PAPPA: variants seen among roughly 807,000 people sequenced by gnomAD.
PAPPA encodes pappalysin-1.
PAPPA carries 60 observed loss-of-function variants against 164.0 expected under a neutral mutation model. That is an observed-to-expected ratio of 0.37 (90% CI 0.30 to 0.45). The LOEUF (loss-of-function observed/expected upper bound fraction) is 0.45, where lower values mean the gene tolerates loss of function less well. Ranked by LOEUF, PAPPA falls within the 20% of genes least tolerant of loss-of-function variation. PAPPA has a pLI of 1.00. For missense variants in PAPPA, 1,782 were observed against 2,087.3 expected, an observed-to-expected ratio of 0.85 and a Z score of 2.85; for synonymous variants, 875 against 814.1, an observed-to-expected ratio of 1.07 and a Z score of -1.27.
At chr9:116,300,969 A>G (rs73514251) in intron 9 of PAPPA, among the ~76,000 whole-genome samples, 1 of 151,982 alleles carries the variant, frequency 6.6e-6, no homozygotes, top group South Asian at 2.1e-4. Flanking sequence ...TAATTTCTAC[A>G]TTACAGACTG....
chr9:116,174,218 T>C (rs1843806256), intron 1 of PAPPA, among the ~76,000 whole-genome samples: 1 of 152,194 alleles, frequency 6.6e-6, no homozygotes, highest in Non-Finnish European at 1.5e-5. Flanking sequence ...CCTCCCTGCC[T>C]AGAAAGGTAA....
chr9:116,192,972 C>T (rs1844061251), intron 2 of PAPPA, among the ~76,000 whole-genome samples: 2 of 152,066 alleles, frequency 1.3e-5, no homozygotes, highest in Non-Finnish European at 2.9e-5. Flanking sequence ...AACCCTGGCA[C>T]CCTCAAGTGA....
chr9:116,317,010 T>A (rs147771609), intron 10 of PAPPA, among the ~76,000 whole-genome samples: 84 of 152,150 alleles, frequency 5.5e-4, no homozygotes, highest in Middle Eastern at 3.4e-3. Context: ...TCTAGTGGGG[T>A]TCCCTGCAGG....
At chr9:116,374,170 TTGATGATGATGA>T (rs201692119) in intron 19 of PAPPA, among the ~76,000 whole-genome samples, 5 of 139,546 alleles carry the variant, frequency 3.6e-5, no homozygotes, top group Non-Finnish European at 3.1e-5. Flanking sequence ...GGTGGTGGTG[TTGATGATGATGA>T]TGGTGGTGAT....
intron 9 of PAPPA, among the ~76,000 whole-genome samples, chr9:116,284,221 T>A (rs1845302532): frequency 6.6e-6 from 1 of 152,166 alleles, no homozygotes; most frequent in Non-Finnish European, 1.5e-5. Flanking sequence ...GAGTGACCTG[T>A]CCCCGGAAGA....
intron 4 of PAPPA, 56 bp from the exon 5 acceptor site, chr9:116,219,881 C>A: frequency 2.1e-6 from 3 of 1,457,842 alleles, no homozygotes; most frequent in Non-Finnish European, 2.8e-6. Flanking sequence ...ATTACTCTCT[C>A]ATATGCCTGC....
rs151154277 is a variant in PAPPA, at chr9:116,395,004, C to T, written c.4777-1505C>T. Among the ~76,000 whole-genome samples the T allele has an allele frequency of 4.6e-5, 7 of 152,104 alleles. No individual in the cohort carries two copies. The East Asian group carries it at 5.8e-4, about 13-fold the overall frequency. On this transcript the variant is annotated intron_variant, in intron 21 of 21. Transcript: ENST00000328252. ...GACCAAAAAAATAAAGGAGAGGGAG[C>T]GGGAGAGAGAAAGAGACAGAATAAT...
intron 13 of PAPPA, among the ~76,000 whole-genome samples, chr9:116,341,024 T>A (rs892465710): frequency 5.3e-5 from 8 of 151,342 alleles, no homozygotes; most frequent in African/African-American, 1.9e-4. Flanking sequence ...TATTTTTATT[T>A]TTTTGTTTTA....
At chr9:116,392,317 G>A (rs1846904194) in intron 21 of PAPPA, among the ~76,000 whole-genome samples, 1 of 152,198 alleles carries the variant, frequency 6.6e-6, no homozygotes, top group African/African-American at 2.4e-5. Flanking sequence ...GTTTGAAGTG[G>A]GGTTTGGAAT....
chr9:116,267,230 T>C (rs1361194893), intron 8 of PAPPA, among the ~76,000 whole-genome samples: 2 of 152,222 alleles, frequency 1.3e-5, no homozygotes, highest in African/African-American at 2.4e-5. Flanking sequence ...AATTTGTTTC[T>C]GATGATTTTG....
intron 4 of PAPPA, among the ~76,000 whole-genome samples, chr9:116,218,592 G>A (rs928629600): frequency 6.6e-6 from 1 of 152,150 alleles, no homozygotes; most frequent in African/African-American, 2.4e-5. Flanking sequence ...TCACACCCTG[G>A]AAAAGAGAGA....
intron 2 of PAPPA, among the ~76,000 whole-genome samples, chr9:116,202,385 A>G (rs1844181719): frequency 6.6e-6 from 1 of 152,194 alleles, no homozygotes; most frequent in African/African-American, 2.4e-5. Flanking sequence ...TAAAGAAAAT[A>G]TTCTAATGAC....
chr9:116,371,526 C>T (rs1364565190), intron 19 of PAPPA, among the ~76,000 whole-genome samples: 1 of 152,196 alleles, frequency 6.6e-6, no homozygotes, highest in Non-Finnish European at 1.5e-5. Flanking sequence ...AACACCCATA[C>T]ACATACTACC....
intron 2 of PAPPA, among the ~76,000 whole-genome samples, chr9:116,192,276 C>T (rs959901545): frequency 1.3e-5 from 2 of 152,134 alleles, no homozygotes; most frequent in Non-Finnish European, 2.9e-5. Flanking sequence ...TAGAGACAGC[C>T]AGCCCATGCA....
chr9:116,330,639 G>A (rs2118947170), intron 10 of PAPPA, among the ~76,000 whole-genome samples: 1 of 150,904 alleles, frequency 6.6e-6, no homozygotes, highest in Admixed American at 6.6e-5. Flanking sequence ...GTGTGTGTGT[G>A]TATAAAGTGA....
At chr9:116,344,059 C>G (rs567414547) in intron 13 of PAPPA, among the ~76,000 whole-genome samples, 1 of 152,186 alleles carries the variant, frequency 6.6e-6, no homozygotes, top group African/African-American at 2.4e-5. Flanking sequence ...AGCCACCGCG[C>G]CCAGCCCAGC....
intron 7 of PAPPA, among the ~76,000 whole-genome samples, chr9:116,242,146 A>G (rs1216906405): frequency 6.6e-6 from 1 of 152,144 alleles, no homozygotes; most frequent in Non-Finnish European, 1.5e-5. Flanking sequence ...TGCAGCATGA[A>G]AAGTGTTATG....
intron 9 of PAPPA, among the ~76,000 whole-genome samples, chr9:116,284,880 C>T (rs1169197885): frequency 6.6e-6 from 1 of 152,120 alleles, no homozygotes; most frequent in Non-Finnish European, 1.5e-5. Context: ...ACCTGAGGCC[C>T]TCTTCAGCTC....
intron 5 of PAPPA, among the ~76,000 whole-genome samples, chr9:116,223,373 A>G (rs1489966259): frequency 1.3e-5 from 2 of 152,208 alleles, no homozygotes; most frequent in Non-Finnish European, 2.9e-5. Flanking sequence ...TATTTCATAA[A>G]GCAGTTACTG....
Sources: allele counts gnomAD v4.1 joint callset (sites outside exome capture counted in the v4.1 genomes callset), GRCh38; gene constraint gnomAD v4.1.1; transcripts MANE v1.5; gene names NCBI Gene and HGNC (gene_info 2026-07-23, HGNC 2026-07-21).